KCNQ3: variants seen among roughly 807,000 people sequenced by gnomAD.
KCNQ3 encodes potassium voltage-gated channel subfamily Q member 3, also known as potassium voltage-gated channel subfamily KQT member 3.
KCNQ3 carries 30 observed loss-of-function variants against 92.5 expected under a neutral mutation model. That is an observed-to-expected ratio of 0.32 (90% CI 0.24 to 0.44). The LOEUF (loss-of-function observed/expected upper bound fraction) is 0.44, where lower values mean the gene tolerates loss of function less well. KCNQ3 is among the 20% of genes least tolerant of loss of function. The pLI, the probability that KCNQ3 is intolerant of heterozygous loss-of-function variation, is 1.00. For missense variants in KCNQ3, 913 were observed against 1,140.3 expected (o/e 0.80, Z 2.87); for synonymous variants, 450 against 468.8 (o/e 0.96, Z 0.52).
intron 1 of KCNQ3, among the ~76,000 whole-genome samples, chr8:132,215,772 C>A (rs892507473): frequency 1.3e-5 from 2 of 152,210 alleles, no homozygotes; most frequent in Admixed American, 6.5e-5. Context: ...GGTGAAGGCA[C>A]GGCTTCCCTG....
At chr8:132,264,221 G>T (rs1184876429) in intron 1 of KCNQ3, among the ~76,000 whole-genome samples, 2 of 152,180 alleles carry the variant, frequency 1.3e-5, no homozygotes, top group African/African-American at 4.8e-5. Context: ...CCCCAGGCCA[G>T]CCACTGCATG....
Position 132,368,374 on chromosome 8 carries a change from T to A in KCNQ3, c.386+111773A>T, listed in dbSNP as rs564125899. Among the ~76,000 whole-genome samples, 157 of 152,244 alleles carry A rather than the reference T, an allele frequency of 1.0e-3. 3 individuals carry two copies. The highest frequency in any genetic ancestry group is 3.4e-4 in the Non-Finnish European group (23 of 68,014). On this transcript the variant is annotated intron_variant, in intron 1 of 14. Transcript: ENST00000388996. ...TATTTGATATTAATAATATAAATAG[T>A]CGTGCACAGTGGCTCACTCTGTAAT...
In KCNQ3 at chr8:132,480,606, A is replaced by T; in HGVS notation, c.-74T>A. The T allele has an allele frequency of 8.3e-7, 1 of 1,211,276 alleles. No homozygotes were observed. The highest frequency in any genetic ancestry group is 1.6e-5 in the African/African-American group (1 of 62,142). The allele number at this position is 1,211,276 out of a possible 1,614,324, so 75.0% of individuals were successfully genotyped here. ...AAGAAGGGGCGCTCGGGGTGCGTGA[A>T]CGAGGCGGCGGCGGCGGCTGCAAGC... On this transcript the variant is annotated 5_prime_UTR_variant, in exon 1 of 15. Coordinates refer to ENST00000388996, the MANE Select transcript of KCNQ3 (RefSeq NM_004519.4).
intron 1 of KCNQ3, among the ~76,000 whole-genome samples, chr8:132,470,601 A>G (rs928193795): frequency 3.3e-5 from 5 of 152,244 alleles, no homozygotes; most frequent in African/African-American, 9.6e-5. Flanking sequence ...CATAACCACA[A>G]TGAAATGATC....
chr8:132,150,050 C>T (rs545072963), intron 9 of KCNQ3, among the ~76,000 whole-genome samples: 2 of 151,146 alleles, frequency 1.3e-5, no homozygotes, highest in South Asian at 4.2e-4. Context: ...TCTACCCTGT[C>T]AGCAGACGAC....
At chr8:132,201,269 C>A (rs1827451121) in intron 1 of KCNQ3, among the ~76,000 whole-genome samples, 1 of 152,160 alleles carries the variant, frequency 6.6e-6, no homozygotes, top group Non-Finnish European at 1.5e-5. Flanking sequence ...ATTGTGCCAC[C>A]CTTTACTTGC....
intron 1 of KCNQ3, among the ~76,000 whole-genome samples, chr8:132,263,464 T>A (rs1167760337): frequency 6.6e-6 from 1 of 152,154 alleles, no homozygotes; most frequent in African/African-American, 2.4e-5. Context: ...AGGACACCAG[T>A]CCATCAGGCT....
intron 1 of KCNQ3, among the ~76,000 whole-genome samples, chr8:132,295,538 T>C (rs1424874431): frequency 1.3e-5 from 2 of 152,204 alleles, no homozygotes; most frequent in African/African-American, 4.8e-5. Context: ...ACCGGGCGTA[T>C]ACCCAAAGGA....
intron 1 of KCNQ3, among the ~76,000 whole-genome samples, chr8:132,419,669 A>T (rs1249607502): frequency 6.6e-6 from 1 of 152,214 alleles, no homozygotes; most frequent in Non-Finnish European, 1.5e-5. Flanking sequence ...TAGCCAGTAG[A>T]TACAGGTGCT....
intron 1 of KCNQ3, among the ~76,000 whole-genome samples, chr8:132,388,448 AC>A (rs1297826712): frequency 6.6e-6 from 1 of 152,294 alleles, no homozygotes; most frequent in African/African-American, 2.4e-5. Context: ...ACAATAGGGT[AC>A]CGATTAAAAA....
intron 1 of KCNQ3, among the ~76,000 whole-genome samples, chr8:132,459,720 A>C (rs948688371): frequency 6.6e-6 from 1 of 151,414 alleles, no homozygotes; most frequent in Non-Finnish European, 1.5e-5. Flanking sequence ...CTCCATTATA[A>C]AGTTTTCTTT....
chr8:132,293,469 GTCT>G (rs1186152132), intron 1 of KCNQ3, among the ~76,000 whole-genome samples: 18 of 152,278 alleles, frequency 1.2e-4, no homozygotes, highest in African/African-American at 4.3e-4. Flanking sequence ...GGTCACAGAT[GTCT>G]TCTTCTGTGT....
intron 1 of KCNQ3, among the ~76,000 whole-genome samples, chr8:132,426,246 C>T (rs976334839): frequency 1.3e-5 from 2 of 152,246 alleles, no homozygotes; most frequent in Middle Eastern, 3.2e-3. Flanking sequence ...GATGGCCTAA[C>T]TGAAAGTTCC....
intron 1 of KCNQ3, among the ~76,000 whole-genome samples, chr8:132,358,978 C>T (rs978525710): frequency 2.0e-5 from 3 of 152,214 alleles, no homozygotes; most frequent in African/African-American, 7.2e-5. Context: ...CATCCCTCTC[C>T]ATTGCTGGAA....
Position 132,224,081 on chromosome 8 carries a change from A to ATTTTTTTTTTTTTTTTTTTT in KCNQ3, c.387-37920_387-37901dup, listed in dbSNP as rs1164773143. 1.2e-3 allele frequency among the ~76,000 whole-genome samples: 47 copies of ATTTTTTTTTTTTTTTTTTTT among 39,474 alleles called. 13 individuals carry two copies. Among genetic ancestry groups the ATTTTTTTTTTTTTTTTTTTT allele is most frequent in the Non-Finnish European group, 1.7e-3 (34 of 19,696 alleles). 25.9% of individuals were successfully genotyped at this position (39,474 alleles called of 152,430 possible). ...CAGACACACACCATCATGCCAGGCT[A>ATTTTTTTTTTTTTTTTTTTT]TTTTTTTTTTTTTTTTTTTTTTTTT... On this transcript the variant is annotated intron_variant, in intron 1 of 14. Transcript: ENST00000388996.
At chr8:132,327,332 C>G (rs941587161) in intron 1 of KCNQ3, among the ~76,000 whole-genome samples, 1 of 152,092 alleles carries the variant, frequency 6.6e-6, no homozygotes, top group Non-Finnish European at 1.5e-5. Context: ...CTTTGAATTC[C>G]CATAGTGTCT....
At chr8:132,299,743 G>A (rs1006969241) in intron 1 of KCNQ3, among the ~76,000 whole-genome samples, 1 of 152,172 alleles carries the variant, frequency 6.6e-6, no homozygotes, top group South Asian at 2.1e-4. Flanking sequence ...GCTTCAGCCT[G>A]TAGATCCCAT....
chr8:132,175,639 G>A (rs755316166), intron 4 of KCNQ3, 31 bp from the exon 5 acceptor site: 17 of 1,609,942 alleles, frequency 1.1e-5, no homozygotes, highest in Middle Eastern at 3.3e-4. Flanking sequence ...CATGAAAAGT[G>A]GTCACTGGGG....
At chr8:132,229,714 G>A (rs1341858026) in intron 1 of KCNQ3, among the ~76,000 whole-genome samples, 1 of 151,942 alleles carries the variant, frequency 6.6e-6, no homozygotes, top group Non-Finnish European at 1.5e-5. Flanking sequence ...GACAAGCAGA[G>A]GGCGGTGAGT....
Sources: gnomAD v4.1 joint callset for allele counts (sites outside exome capture counted in the v4.1 genomes callset) on GRCh38, gnomAD v4.1.1 for gene constraint, MANE v1.5 for transcripts, NCBI Gene and HGNC (gene_info 2026-07-23, HGNC 2026-07-21) for gene names.